ABTB3: variants seen among roughly 807,000 people sequenced by gnomAD.
The protein encoded by ABTB3 is ankyrin repeat and BTB domain containing 3, also known as ankyrin repeat- and BTB/POZ domain-containing protein 3.
the ABTB3 span, chr12:107,610,379 A>C: frequency 6.2e-7 from 1 of 1,610,358 alleles, no homozygotes; most frequent in African/African-American, 1.3e-5. Flanking sequence ...GGGTCTGAAC[A>C]GGCTCCCCAC....
At chr12:107,538,819 C>G in the ABTB3 span, among the ~76,000 whole-genome samples, 81 of 152,310 alleles carry the variant, frequency 5.3e-4, 1 homozygote, top group African/African-American at 1.9e-3. Context: ...CCTGAGCCCC[C>G]ACCCCACAAA....
the ABTB3 span, among the ~76,000 whole-genome samples, chr12:107,542,712 T>C: frequency 6.6e-6 from 1 of 152,188 alleles, no homozygotes; most frequent in African/African-American, 2.4e-5. Context: ...ACTGGTAACA[T>C]AAACAGTCCA....
At chr12:107,397,787 G>A in the ABTB3 span, among the ~76,000 whole-genome samples, 1 of 152,068 alleles carries the variant, frequency 6.6e-6, no homozygotes, top group African/African-American at 2.4e-5. Context: ...TGTGTGTAGC[G>A]TGAGATGGGG....
the ABTB3 span, among the ~76,000 whole-genome samples, chr12:107,552,698 G>C: frequency 6.6e-6 from 1 of 152,112 alleles, no homozygotes; most frequent in Non-Finnish European, 1.5e-5. Context: ...ATGGAGTCAC[G>C]AGCACATTTC....
the ABTB3 span, among the ~76,000 whole-genome samples, chr12:107,503,432 C>A: frequency 6.6e-6 from 1 of 152,036 alleles, no homozygotes; most frequent in African/African-American, 2.4e-5. Context: ...CCAGGGTCAG[C>A]AAGGCCCCAG....
At chr12:107,452,396 C>T in the ABTB3 span, among the ~76,000 whole-genome samples, 3 of 151,652 alleles carry the variant, frequency 2.0e-5, no homozygotes, top group Non-Finnish European at 4.4e-5. Flanking sequence ...TTAGTAGAGA[C>T]GGGGTTTCAC....
the ABTB3 span, among the ~76,000 whole-genome samples, chr12:107,527,505 C>T: frequency 1.3e-5 from 2 of 152,088 alleles, no homozygotes; most frequent in Non-Finnish European, 2.9e-5. Context: ...CTCTTGAGCT[C>T]GAGCATTCTG....
At chr12:107,533,719 C>A in the ABTB3 span, among the ~76,000 whole-genome samples, 9 of 152,128 alleles carry the variant, frequency 5.9e-5, no homozygotes, top group Non-Finnish European at 1.3e-4. Context: ...ACAGATCATC[C>A]AGACAGAAAA....
chr12:107,463,626 A>C, the ABTB3 span, among the ~76,000 whole-genome samples: 789 of 152,288 alleles, frequency 5.2e-3, 8 homozygotes, highest in African/African-American at 0.018. Context: ...GTTTGTCCCT[A>C]AGCCACATAA....
chr12:107,361,927 G>A, the ABTB3 span, among the ~76,000 whole-genome samples: 1 of 152,088 alleles, frequency 6.6e-6, no homozygotes, highest in Non-Finnish European at 1.5e-5. Context: ...TTATAAAAAA[G>A]GGACCCCAGA....
the ABTB3 span, among the ~76,000 whole-genome samples, chr12:107,469,944 CTTTCTTTCTTT>C: frequency 3.4e-4 from 12 of 35,602 alleles, 1 homozygote; most frequent in Non-Finnish European, 5.0e-4. Context: ...CTTTCTTTCT[CTTTCTTTCTTT>C]CTTTCTTTCT....
the ABTB3 span, among the ~76,000 whole-genome samples, chr12:107,471,439 G>A: frequency 6.6e-6 from 1 of 152,166 alleles, no homozygotes; most frequent in African/African-American, 2.4e-5. Flanking sequence ...TCCCATTGCA[G>A]GTCAAGAGGA....
the ABTB3 span, among the ~76,000 whole-genome samples, chr12:107,507,604 G>A: frequency 3.9e-5 from 6 of 152,092 alleles, no homozygotes; most frequent in African/African-American, 1.4e-4. Context: ...TGAGCCCCTC[G>A]ATGCTCCCCT....
the ABTB3 span, among the ~76,000 whole-genome samples, chr12:107,494,728 G>T: frequency 6.6e-6 from 1 of 152,048 alleles, no homozygotes; most frequent in Non-Finnish European, 1.5e-5. Flanking sequence ...CACAGCCCTC[G>T]CCACCTCCCT....
chr12:107,467,353 C>G, the ABTB3 span, among the ~76,000 whole-genome samples: 10 of 152,182 alleles, frequency 6.6e-5, no homozygotes, highest in Non-Finnish European at 1.3e-4. Flanking sequence ...GCAGCCGTGC[C>G]TACCTCTGGC....
At chr12:107,562,104 C>T in the ABTB3 span, among the ~76,000 whole-genome samples, 3 of 152,174 alleles carry the variant, frequency 2.0e-5, no homozygotes, top group Non-Finnish European at 4.4e-5. Context: ...GGTATAGAAC[C>T]AGGTACACAG....
chr12:107,573,882 C>T, the ABTB3 span, among the ~76,000 whole-genome samples: 1 of 152,316 alleles, frequency 6.6e-6, no homozygotes, highest in South Asian at 2.1e-4. Flanking sequence ...AAAGGTTAAT[C>T]TCATCTAAAA....
chr12:107,375,072 C>A, the ABTB3 span, among the ~76,000 whole-genome samples: 3 of 152,136 alleles, frequency 2.0e-5, no homozygotes, highest in Admixed American at 1.3e-4. Flanking sequence ...GACTGAGGAA[C>A]CTCCCTGAAA....
At chr12:107,401,102 G>C in the ABTB3 span, among the ~76,000 whole-genome samples, 3 of 152,190 alleles carry the variant, frequency 2.0e-5, no homozygotes, top group African/African-American at 7.2e-5. Context: ...CCTGGGGTTT[G>C]GTTCTGAGCC....
Sources: allele counts gnomAD v4.1 joint callset (sites outside exome capture counted in the v4.1 genomes callset), GRCh38; gene constraint gnomAD v4.1.1; transcripts MANE v1.5; gene names NCBI Gene and HGNC (gene_info 2026-07-23, HGNC 2026-07-21).